The following B4GALT6 variants were observed in gnomAD, a reference collection of about 807,000 sequenced individuals.
B4GALT6 encodes beta-1,4-galactosyltransferase 6.
A neutral mutation model predicts 46.3 loss-of-function variants in B4GALT6; 14 were observed. The ratio of observed to expected loss-of-function variants is 0.30; its 90% confidence interval spans 0.20 to 0.47. The LOEUF is 0.47. B4GALT6 is among the 20% of genes least tolerant of loss of function. The pLI is 0.99. For synonymous variants in B4GALT6, 168 were observed against 162.0 expected (o/e 1.04, Z -0.28); for missense variants, 386 against 480.1 (o/e 0.80, Z 1.83).
the B4GALT6 span, among the ~76,000 whole-genome samples, chr18:31,693,621 A>G: frequency 6.6e-6 from 1 of 152,176 alleles, no homozygotes; most frequent in Admixed American, 6.6e-5. Context: ...AATATACAAA[A>G]CTAATGTGAA....
chr18:31,709,691 T>C, the B4GALT6 span, among the ~76,000 whole-genome samples: 2 of 151,044 alleles, frequency 1.3e-5, no homozygotes, highest in African/African-American at 4.9e-5. Context: ...GACTAATAAG[T>C]GGGAAAATGA....
At chr18:31,710,430 T>C in the B4GALT6 span, among the ~76,000 whole-genome samples, 3 of 152,202 alleles carry the variant, frequency 2.0e-5, no homozygotes, top group African/African-American at 4.8e-5. Context: ...AAAAAATGTC[T>C]TTAGAGATGT....
chr18:31,667,410 C>A (rs2074295062), intron 1 of B4GALT6, among the ~76,000 whole-genome samples: 1 of 152,190 alleles, frequency 6.6e-6, no homozygotes, highest in African/African-American at 2.4e-5. Context: ...ACAGTAATGA[C>A]ACTCTCCAAA....
At chr18:31,638,593 A>C in intron 5 of B4GALT6, 51 bp downstream of exon 5, 1 of 1,351,658 alleles carries the variant, frequency 7.4e-7, no homozygotes, top group Non-Finnish European at 1.1e-6. Flanking sequence ...AACCATATCT[A>C]AGAGTTTAGA....
chr18:31,717,493 T>A, the B4GALT6 span, among the ~76,000 whole-genome samples: 1 of 151,946 alleles, frequency 6.6e-6, no homozygotes, highest in Middle Eastern at 3.4e-3. Context: ...AACATATACC[T>A]CAATAAAGGA....
At chr18:31,668,660 T>C (rs2074311370) in intron 1 of B4GALT6, among the ~76,000 whole-genome samples, 2 of 152,078 alleles carry the variant, frequency 1.3e-5, no homozygotes, top group Non-Finnish European at 2.9e-5. Context: ...GTGGCAGATA[T>C]TAAGCCCTTA....
At chr18:31,685,058 G>C (rs1357002123), upstream of B4GALT6, among the ~76,000 whole-genome samples, 2 of 146,140 alleles carry the variant, frequency 1.4e-5, no homozygotes, top group Non-Finnish European at 3.0e-5. Context: ...GAGGAGCTGG[G>C]CGCTCGCCTG....
At position 31,666,246 on chromosome 18, in the gene B4GALT6, G is replaced by C. The variant is rs755395135; in HGVS notation, c.232+10C>G. 1.5e-5 allele frequency: 22 copies of C among 1,480,480 alleles called. No individual in the cohort carries two copies. Among genetic ancestry groups the C allele is most frequent in the Non-Finnish European group, 2.0e-5 (22 of 1,077,582 alleles). The allele number at this position is 1,480,480 out of a possible 1,614,324, so 91.7% of individuals were successfully genotyped here. The stretch of plus-strand genomic sequence containing the variant: ...GTAACTACAAGGGGTTAAGCAGGAA[G>C]TAGTCTTACCTGTACCGTTGAGCGT... On this transcript the variant is annotated intron_variant, in intron 2 of 8. Transcript: ENST00000306851.
At chr18:31,663,068 C>T (rs188548016) in intron 2 of B4GALT6, among the ~76,000 whole-genome samples, 1 of 152,254 alleles carries the variant, frequency 6.6e-6, no homozygotes, top group East Asian at 1.9e-4. Context: ...CTGCTTTCTT[C>T]CTCCCTTCCA....
the B4GALT6 span, among the ~76,000 whole-genome samples, chr18:31,716,592 T>A: frequency 1.3e-5 from 2 of 152,092 alleles, no homozygotes; most frequent in Non-Finnish European, 2.9e-5. Flanking sequence ...AGAGAAACCA[T>A]AGACGTAGGT....
At chr18:31,648,970 G>A (rs1418454362) in intron 3 of B4GALT6, among the ~76,000 whole-genome samples, 2 of 152,166 alleles carry the variant, frequency 1.3e-5, no homozygotes, top group Non-Finnish European at 2.9e-5. Flanking sequence ...AATGTTCACA[G>A]CTCAAAGAGC....
intron 1 of B4GALT6, among the ~76,000 whole-genome samples, chr18:31,670,505 A>G (rs920086649): frequency 6.6e-6 from 1 of 152,238 alleles, no homozygotes; most frequent in African/African-American, 2.4e-5. Flanking sequence ...CAAATCATTT[A>G]CAGCTAATTG....
In B4GALT6 at chr18:31,625,028, C is replaced by T. The variant is rs549483840; in HGVS notation, c.*586G>A. 10 of 152,646 alleles carry T rather than the reference C, an allele frequency of 6.6e-5. No homozygotes were observed. Among genetic ancestry groups the T allele is most frequent in the Non-Finnish European group, 1.5e-4 (10 of 68,038 alleles). 9.5% of individuals were successfully genotyped at this position (152,646 alleles called of 1,614,324 possible). A position where few individuals can be genotyped will look rare whatever the true frequency, so the allele number is the denominator to read the frequency against. ...TAAGAAAGCTGTGACTTCTTCCACA[C>T]AAAAGGCTGAGGTCTAAAGCTCAAA... On this transcript the variant is annotated 3_prime_UTR_variant, in exon 9 of 9. Transcript: ENST00000306851.
Position 31,629,447 on chromosome 18 carries a change from A to ATTTTTTTTTTTT in B4GALT6, c.776+1500_776+1511dup, listed in dbSNP as rs869030382. Among the ~76,000 whole-genome samples, 24 of 32,882 alleles carry ATTTTTTTTTTTT rather than the reference A, an allele frequency of 7.3e-4. 5 individuals carry two copies. Among genetic ancestry groups the ATTTTTTTTTTTT allele is most frequent in the East Asian group, 1.7e-3 (1 of 594 alleles). 21.6% of individuals were successfully genotyped at this position (32,882 alleles called of 152,430 possible). A position where few individuals can be genotyped will look rare whatever the true frequency, so the allele number is the denominator to read the frequency against. ...ATTCTTAGTTTATATGCCCTTTATGATTTTTTTTTTTTTTTTTTTTTTTTT... is the reference window on the plus strand; with the variant it reads ...ATTCTTAGTTTATATGCCCTTTATGATTTTTTTTTTTTTTTTTTTTTTTTTTTTTTTTTTTTT... On this transcript the variant is annotated intron_variant, in intron 6 of 8. Coordinates refer to ENST00000306851, the MANE Select transcript of B4GALT6 (RefSeq NM_004775.5).
chr18:31,724,606 G>C, the B4GALT6 span: 1 of 1,064,454 alleles, frequency 9.4e-7, no homozygotes, highest in South Asian at 3.4e-5. Context: ...GAGCTGCCCC[G>C]GGGCCAGAGC....
the B4GALT6 span, among the ~76,000 whole-genome samples, chr18:31,706,209 A>G: frequency 1.3e-5 from 2 of 152,144 alleles, no homozygotes; most frequent in South Asian, 4.1e-4. Flanking sequence ...AATGTGTTTG[A>G]TGTACATGTA....
At chr18:31,686,177 A>C (rs528480224), upstream of B4GALT6, 1 of 152,226 alleles carries the variant, frequency 6.6e-6, no homozygotes, top group Non-Finnish European at 1.5e-5. Flanking sequence ...CTAATCATGC[A>C]GGAAGTGGCG....
At chr18:31,661,624 G>C (rs905908542) in intron 2 of B4GALT6, among the ~76,000 whole-genome samples, 1 of 152,062 alleles carries the variant, frequency 6.6e-6, no homozygotes, top group African/African-American at 2.4e-5. Context: ...TAGCTATATA[G>C]AGATGATAAT....
At chr18:31,694,908 A>C in the B4GALT6 span, among the ~76,000 whole-genome samples, 3 of 152,224 alleles carry the variant, frequency 2.0e-5, no homozygotes, top group African/African-American at 7.2e-5. Flanking sequence ...TGGTAGAATA[A>C]TTTTAGAAAT....
Sources: gnomAD v4.1 joint callset for allele counts (sites outside exome capture counted in the v4.1 genomes callset) on GRCh38, gnomAD v4.1.1 for gene constraint, MANE v1.5 for transcripts, NCBI Gene and HGNC (gene_info 2026-07-23, HGNC 2026-07-21) for gene names.